SLC9A7: variants seen among roughly 807,000 people sequenced by gnomAD.
SLC9A7 encodes solute carrier family 9 member A7.
SLC9A7 carries 19 observed loss-of-function variants against 52.6 expected under a neutral mutation model. That is an observed-to-expected ratio of 0.36 (90% CI 0.25 to 0.53). The LOEUF (loss-of-function observed/expected upper bound fraction) is 0.53. SLC9A7 is among the 20% of genes least tolerant of loss of function. The pLI, the probability that SLC9A7 is intolerant of heterozygous loss-of-function variation, is 0.91. For synonymous variants in SLC9A7, 226 were observed against 252.1 expected, an observed-to-expected ratio of 0.90 and a Z score of 0.98; for missense variants, 455 against 597.9, an observed-to-expected ratio of 0.76 and a Z score of 2.49.
intron 11 of SLC9A7, chrX:46,647,063 TG>T: frequency 3.1e-6 from 1 of 323,003 alleles, no homozygotes; most frequent in Non-Finnish European, 5.9e-6. Context: ...ACCACCAGAG[TG>T]CCACTCATTA....
chrX:46,628,085 T>C (rs1446690202), intron 14 of SLC9A7, among the ~76,000 whole-genome samples: 1 of 112,564 alleles, frequency 8.9e-6, no homozygotes, highest in African/African-American at 3.2e-5. Context: ...TCCATTAATA[T>C]CCGGCTTGTG....
chrX:46,651,467 C>G, intron 8 of SLC9A7, 63 bp from the exon 9 acceptor site: 1 of 923,950 alleles, frequency 1.1e-6, no homozygotes, highest in Non-Finnish European at 1.5e-6. Flanking sequence ...AAAAAAAAAC[C>G]CTGCTAGAAC....
In SLC9A7 at chrX:46,600,977, T is replaced by A. The variant is rs1942652259; in HGVS notation, c.*5975A>T. Reference sequence around the variant, plus strand: ...AAAGAACAACAGAATAGCTCAGAACTCAATGATACCAGTCTAATGTATATG... The same window carrying A: ...AAAGAACAACAGAATAGCTCAGAACACAATGATACCAGTCTAATGTATATG... On this transcript the variant is annotated 3_prime_UTR_variant, in exon 17 of 17. Coordinates refer to ENST00000616978, the MANE Select transcript of SLC9A7 (RefSeq NM_001257291.2). 8.9e-6 allele frequency: 1 copy of A among 111,941 alleles called. No homozygotes were observed. Among genetic ancestry groups the A allele is most frequent in the Admixed American group, 9.5e-5 (1 of 10,483 alleles). The allele number at this position is 111,941 out of a possible 1,213,427, so 9.2% of individuals were successfully genotyped here.
chrX:46,612,186 G>A (rs1045315152), intron 16 of SLC9A7, among the ~76,000 whole-genome samples: 2 of 112,341 alleles, frequency 1.8e-5, no homozygotes, highest in Non-Finnish European at 3.8e-5. Flanking sequence ...ATGACCCAAC[G>A]AATGAACTTA....
At chrX:46,711,141 G>A (rs942715477) in intron 1 of SLC9A7, among the ~76,000 whole-genome samples, 1 of 112,836 alleles carries the variant, frequency 8.9e-6, no homozygotes. Flanking sequence ...AGCAACACCT[G>A]TGCCACAGGC....
chrX:46,712,790 C>T (rs1944710058), intron 1 of SLC9A7, among the ~76,000 whole-genome samples: 1 of 112,066 alleles, frequency 8.9e-6, no homozygotes, highest in Admixed American at 9.5e-5. Context: ...TTTAAATTCA[C>T]TACATTTACA....
chrX:46,656,775 G>T (rs1171358556), intron 7 of SLC9A7, among the ~76,000 whole-genome samples: 1 of 111,094 alleles, frequency 9.0e-6, no homozygotes, highest in African/African-American at 3.3e-5. Flanking sequence ...CAGGGAGAAT[G>T]GAACCAAGTT....
intron 1 of SLC9A7, among the ~76,000 whole-genome samples, chrX:46,748,508 C>G (rs1317691496): frequency 9.6e-6 from 1 of 104,672 alleles, no homozygotes; most frequent in East Asian, 3.1e-4. Flanking sequence ...TGGAAATAAC[C>G]CGAGTGTCCA....
Position 46,679,715 on chromosome X carries a change from G to A in SLC9A7, c.566C>T (p.Pro189Leu). 1 of 1,200,070 alleles carries A rather than the reference G, an allele frequency of 8.3e-7. No individual in the cohort carries two copies. The highest frequency in any genetic ancestry group is 1.7e-5 in the African/African-American group (1 of 57,460). The change falls in exon 3 of 17, where the codon CCT (proline) becomes CTT (leucine). Residue 189 changes from proline (P) to leucine (L), a missense_variant. Transcript: ENST00000616978. Reference protein sequence around the residue: ...DPEVFFNILLPPIIFHAGYSL... With the variant: ...DPEVFFNILLLPIIFHAGYSL... ...GTATCCAGCATGAAAAATAATTGGA[G>A]GCAGAAGAATGTTGAAAAATACTTC... is the stretch of plus-strand genomic sequence containing the variant.
intron 5 of SLC9A7, among the ~76,000 whole-genome samples, chrX:46,666,704 A>G (rs1017474892): frequency 8.9e-6 from 1 of 112,433 alleles, no homozygotes; most frequent in Admixed American, 9.5e-5. Flanking sequence ...TACAAAGATA[A>G]TCTAGAAAAG....
chrX:46,728,664 C>T (rs1944981203), intron 1 of SLC9A7, among the ~76,000 whole-genome samples: 1 of 112,038 alleles, frequency 8.9e-6, no homozygotes, highest in Non-Finnish European at 1.9e-5. Flanking sequence ...AATGAAAACC[C>T]ATGCTCACAC....
intron 15 of SLC9A7, among the ~76,000 whole-genome samples, chrX:46,617,034 C>T (rs1028474108): frequency 9.0e-6 from 1 of 111,335 alleles, no homozygotes; most frequent in East Asian, 2.8e-4. Context: ...AGTCTCTGTC[C>T]TCTCCTTTCA....
chrX:46,748,393 A>G (rs1363970697), intron 1 of SLC9A7, among the ~76,000 whole-genome samples: 1 of 104,275 alleles, frequency 9.6e-6, no homozygotes, highest in African/African-American at 3.5e-5. Flanking sequence ...GGAAGGAAGG[A>G]AGGAAGGAAG....
rs1229183534 is a variant in SLC9A7 at position 46,682,495 on chromosome X, A to T, written c.366T>A (p.Ala122=). ...VGVILRYGTP[A]TSGRDKSLSC... Reference sequence around the variant, plus strand: ...TGAGTGATTTGTCACGGCCACTGGTAGCAGGGGTACCATACCTCAGGATCA... The same window carrying T: ...TGAGTGATTTGTCACGGCCACTGGTTGCAGGGGTACCATACCTCAGGATCA... The change falls in exon 2 of 17, where the codon GCT becomes GCA. Residue 122 remains alanine, a synonymous_variant. Transcript: ENST00000616978. 8.3e-7 allele frequency: 1 copy of T among 1,211,533 alleles called. No individual in the cohort carries two copies. Among genetic ancestry groups the T allele is most frequent in the East Asian group, 3.0e-5 (1 of 33,840 alleles).
At chrX:46,758,527 A>G (rs1464016097) in intron 1 of SLC9A7, among the ~76,000 whole-genome samples, 178 bp downstream of exon 1, 1 of 112,049 alleles carries the variant, frequency 8.9e-6, no homozygotes, top group African/African-American at 3.2e-5. Context: ...AATTGTTTTT[A>G]ACGGTAGCAG....
At chrX:46,735,846 T>C (rs1945113295) in intron 1 of SLC9A7, among the ~76,000 whole-genome samples, 2 of 111,670 alleles carry the variant, frequency 1.8e-5, no homozygotes, top group Admixed American at 9.6e-5. Context: ...GTCTGCTGTA[T>C]TTCTTATCCT....
At chrX:46,655,643 C>T (rs1398844180) in intron 7 of SLC9A7, among the ~76,000 whole-genome samples, 3 of 112,326 alleles carry the variant, frequency 2.7e-5, no homozygotes, top group African/African-American at 6.5e-5. Flanking sequence ...CACTCCCACC[C>T]GAATACTGCG....
intron 1 of SLC9A7, among the ~76,000 whole-genome samples, chrX:46,687,049 G>A (rs995856415): frequency 8.9e-6 from 1 of 112,099 alleles, no homozygotes; most frequent in Admixed American, 9.5e-5. Flanking sequence ...AGAGCAACGT[G>A]TGGTTTAAAA....
At chrX:46,637,800 T>C (rs1943345582) in intron 12 of SLC9A7, among the ~76,000 whole-genome samples, 2 of 112,906 alleles carry the variant, frequency 1.8e-5, no homozygotes, top group African/African-American at 3.2e-5. Context: ...AGAAAGCAAT[T>C]TGCACATTTT....
Sources: allele counts gnomAD v4.1 joint callset (sites outside exome capture counted in the v4.1 genomes callset), GRCh38; gene constraint gnomAD v4.1.1; transcripts MANE v1.5; gene names NCBI Gene and HGNC (gene_info 2026-07-23, HGNC 2026-07-21).